The following NUMA1 variants were observed in gnomAD, a reference collection of about 807,000 sequenced individuals.
NUMA1 encodes nuclear mitotic apparatus protein 1, also known as SP-H antigen.
Under a neutral mutation model 237.1 loss-of-function variants are expected in NUMA1, and 62 were observed. The observed-to-expected ratio is 0.26, with a 90% CI of 0.21 to 0.32. The LOEUF (loss-of-function observed/expected upper bound fraction) is 0.32. NUMA1 is among the 10% of genes least tolerant of loss of function. The pLI, the probability that NUMA1 is intolerant of heterozygous loss-of-function variation, is 1.00. For synonymous variants in NUMA1, 1,028 were observed against 1,066.1 expected (o/e 0.96, Z 0.70); for missense variants, 2,533 against 2,666.5 (o/e 0.95, Z 1.10).
intron 4 of NUMA1, chr11:72,024,860 A>G: frequency 5.1e-5 from 8 of 157,544 alleles, no homozygotes; most frequent in Non-Finnish European, 9.8e-5. Flanking sequence ...AGATGGCAAA[A>G]GCCTCCCAGA....
intron 5 of NUMA1, among the ~76,000 whole-genome samples, chr11:72,023,901 G>A (rs764800809): frequency 7.9e-5 from 12 of 152,316 alleles, no homozygotes; most frequent in Non-Finnish European, 1.3e-4. Flanking sequence ...TTAATTCAAA[G>A]TTATCTGGGA....
chr11:72,047,982 G>A (rs1029834683), intron 2 of NUMA1: 26 of 152,046 alleles, frequency 1.7e-4, no homozygotes, highest in Admixed American at 1.6e-3. Context: ...ACATGCTGCC[G>A]AACCAAGCAC....
chr11:72,044,964 T>C (rs914165242), intron 2 of NUMA1, among the ~76,000 whole-genome samples: 3 of 152,030 alleles, frequency 2.0e-5, no homozygotes, highest in Non-Finnish European at 4.4e-5. Context: ...GTGCCTGGCC[T>C]TGCATTTATT....
At chr11:72,031,770 C>T (rs1834479629) in intron 3 of NUMA1, among the ~76,000 whole-genome samples, 1 of 152,000 alleles carries the variant, frequency 6.6e-6, no homozygotes, top group African/African-American at 2.4e-5. Context: ...GCTATGATCA[C>T]ACCACTGCAC....
chr11:72,038,609 C>G (rs969918192), intron 2 of NUMA1, among the ~76,000 whole-genome samples: 1 of 152,062 alleles, frequency 6.6e-6, no homozygotes, highest in African/African-American at 2.4e-5. Flanking sequence ...GGCTGGGAAC[C>G]CAAGGGCTCC....
chr11:72,006,375 G>T, intron 21 of NUMA1, 112 bp from the exon 22 acceptor site: 1 of 859,492 alleles, frequency 1.2e-6, no homozygotes, highest in Non-Finnish European at 1.8e-6. Flanking sequence ...ATTCCCAACT[G>T]CTTTGCAAAG....
intron 2 of NUMA1, among the ~76,000 whole-genome samples, chr11:72,043,583 C>G (rs1303746416): frequency 6.9e-6 from 1 of 145,634 alleles, no homozygotes; most frequent in Admixed American, 7.0e-5. Context: ...TGCCTAGGCA[C>G]AGCATTATTT....
intron 8 of NUMA1, 49 bp downstream of exon 8, chr11:72,021,155 T>C (rs766846611): frequency 5.4e-5 from 77 of 1,417,140 alleles, no homozygotes; most frequent in Non-Finnish European, 7.2e-5. Context: ...GATCCTAGTA[T>C]TCCCCATTTC....
intron 2 of NUMA1, among the ~76,000 whole-genome samples, chr11:72,046,585 C>T (rs1006274395): frequency 4.9e-5 from 7 of 142,846 alleles, no homozygotes; most frequent in Middle Eastern, 3.6e-3. Flanking sequence ...GGGTGGAGAG[C>T]GGGGAGAGGG....
At chr11:72,009,920 A>G (rs1956032048) in intron 17 of NUMA1, among the ~76,000 whole-genome samples, 1 of 152,222 alleles carries the variant, frequency 6.6e-6, no homozygotes, top group Non-Finnish European at 1.5e-5. Flanking sequence ...CCAAAAGCCC[A>G]TGGGGGCTTA....
rs770011089 is a variant in NUMA1 at position 72,034,381 on chromosome 11, TG to T, written c.42+1520del. On this transcript the variant is annotated intron_variant, in intron 3 of 26. Transcript: ENST00000393695. ...GGTGCCAAGAGAAATTAGAACTTTATGAGGTATTTTAATTTAAAATCATCCC... is the reference window on the plus strand; with the variant it reads ...GGTGCCAAGAGAAATTAGAACTTTATAGGTATTTTAATTTAAAATCATCCC... 8.1e-4 allele frequency among the ~76,000 whole-genome samples: 123 copies of T among 152,040 alleles called. 1 individual carries two copies. The highest frequency in any genetic ancestry group is 1.1e-3 in the Non-Finnish European group (72 of 68,026).
intron 19 of NUMA1, 28 bp downstream of exon 19, chr11:72,008,939 G>T: frequency 6.2e-7 from 1 of 1,612,222 alleles, no homozygotes; most frequent in Non-Finnish European, 8.5e-7. Flanking sequence ...GAATAGGAGT[G>T]AGGTGAGTCT....
At chr11:72,019,090 G>A in intron 9 of NUMA1, 110 bp from the exon 10 acceptor site, 13 of 1,210,054 alleles carry the variant, frequency 1.1e-5, no homozygotes, top group Non-Finnish European at 1.4e-5. Context: ...CTAGCAGCTG[G>A]GAGGCCTGTG....
chr11:72,039,641 A>G (rs539861797), intron 2 of NUMA1: 1 of 152,292 alleles, frequency 6.6e-6, no homozygotes, highest in African/African-American at 2.4e-5. Flanking sequence ...TCTCCACCTG[A>G]TAGTTCCAAA....
intron 2 of NUMA1, among the ~76,000 whole-genome samples, chr11:72,064,693 C>T (rs948884726): frequency 6.6e-6 from 1 of 151,904 alleles, no homozygotes; most frequent in Admixed American, 6.6e-5. Flanking sequence ...ATTAGCCGGG[C>T]ATGGTGGCAT....
chr11:72,024,276 T>G lies in NUMA1; in HGVS notation c.206A>C (p.Gln69Pro), dbSNP rs1939278820. 1.2e-6 allele frequency: 2 copies of G among 1,614,038 alleles called. No individual in the cohort carries two copies. Among genetic ancestry groups the G allele is most frequent in the Non-Finnish European group, 1.7e-6 (2 of 1,179,970 alleles). ...ERLDFVCSFL[Q>P]KNRKHPSSPE... Reference sequence around the variant, plus strand: ...AGCTGGATAAGAAAGGTGCTTACTCTGCAGAAAACTGCACACAAAGTCCAG... The same window carrying G: ...AGCTGGATAAGAAAGGTGCTTACTCGGCAGAAAACTGCACACAAAGTCCAG... Residue 69 changes from glutamine (Q) to proline (P), a missense_variant and splice_region_variant, in exon 5 of 27, where the codon CAG becomes CCG. Coordinates refer to ENST00000393695, the MANE Select transcript of NUMA1 (RefSeq NM_006185.4).
Position 72,019,000 on chromosome 11 carries a change from A to C in NUMA1, c.585-20T>G. ...AGAAAGCTGAGGAGGGAGAAGGCCC[A>C]TATGCATTGGTAAGCGCCTAAGATC... On this transcript the variant is annotated intron_variant, in intron 9 of 26. Transcript: ENST00000393695. 6.2e-7 allele frequency: 1 copy of C among 1,612,746 alleles called. No homozygotes were observed. Among genetic ancestry groups the C allele is most frequent in the Middle Eastern group, 1.7e-4 (1 of 6,048 alleles).
chr11:72,027,210 A>G (rs1433584048), intron 4 of NUMA1, among the ~76,000 whole-genome samples: 1 of 152,226 alleles, frequency 6.6e-6, no homozygotes. Context: ...GTGTTACAAT[A>G]CAAGGCATAT....
chr11:72,050,161 G>C (rs757731585), intron 2 of NUMA1, among the ~76,000 whole-genome samples: 2 of 152,128 alleles, frequency 1.3e-5, no homozygotes, highest in Non-Finnish European at 2.9e-5. Context: ...CTACAAGGCA[G>C]CTTTTCATAA....
Sources: gnomAD v4.1 joint callset for allele counts (sites outside exome capture counted in the v4.1 genomes callset) on GRCh38, gnomAD v4.1.1 for gene constraint, MANE v1.5 for transcripts, NCBI Gene and HGNC (gene_info 2026-07-23, HGNC 2026-07-21) for gene names.